Variants in OCLN observed in about 807,000 individuals in gnomAD.
The protein encoded by OCLN is occludin.
Under a neutral mutation model 47.9 loss-of-function variants are expected in OCLN, and 21 were observed. That is an observed-to-expected ratio of 0.44 (90% CI 0.31 to 0.63). The LOEUF is 0.63. Among genes scored for constraint, OCLN ranks in the 30% least tolerant of loss-of-function variants. OCLN has a pLI of 0.08. For missense variants in OCLN, 360 were observed against 571.0 expected (o/e 0.63, Z 3.77); for synonymous variants, 117 against 198.4 (o/e 0.59, Z 3.45).
chr5:69,537,273 C>T (rs866619241), intron 5 of OCLN, among the ~76,000 whole-genome samples: 2,190 of 56,052 alleles, frequency 0.039, 29 homozygotes, highest in Non-Finnish European at 0.064. Flanking sequence ...TCACAGCTCA[C>T]TGTAGCCTTG....
intron 3 of OCLN, among the ~76,000 whole-genome samples, chr5:69,510,347 A>G (rs921789492): frequency 6.6e-6 from 1 of 152,038 alleles, no homozygotes; most frequent in Non-Finnish European, 1.5e-5. Flanking sequence ...ACCACATTTT[A>G]TTTATCAGTT....
In OCLN at chr5:69,509,420, C is replaced by G; in HGVS notation, c.330C>G (p.Gly110=). Residue 110 remains glycine (G), a synonymous_variant, in exon 3 of 9, where the codon GGC becomes GGG. Transcript: ENST00000396442. The part of the protein sequence containing the change: ...GSVGYPYGGS[G]FGSYGSGYGY... ...TAGGCTACCCTTATGGAGGAAGTGG[C>G]TTTGGTAGCTACGGAAGTGGCTATG... 1 of 1,614,140 alleles carries G rather than the reference C, an allele frequency of 6.2e-7. No homozygotes were observed. The highest frequency in any genetic ancestry group is 8.5e-7 in the Non-Finnish European group (1 of 1,180,022).
intron 2 of OCLN, among the ~76,000 whole-genome samples, chr5:69,505,034 G>A (rs181909025): frequency 3.9e-4 from 59 of 152,304 alleles, no homozygotes; most frequent in Admixed American, 3.1e-3. Context: ...TGGATCACCT[G>A]AGGTCGGGAG....
intron 4 of OCLN, among the ~76,000 whole-genome samples, chr5:69,533,709 A>G (rs1253450964): frequency 1.3e-5 from 2 of 152,182 alleles, no homozygotes; most frequent in Non-Finnish European, 2.9e-5. Context: ...CTAGAGTGCA[A>G]TGGCACTATC....
Position 69,493,202 on chromosome 5 carries a change from CT to C in OCLN, c.-69+306del, listed in dbSNP as rs1477712416. Among the ~76,000 whole-genome samples the C allele has an allele frequency of 2.0e-5, 3 of 152,176 alleles. No homozygotes were observed. Among genetic ancestry groups the C allele is most frequent in the African/African-American group, 7.2e-5 (3 of 41,448 alleles). ...CCTCAGCGGCGCGGGCAACTTTTCA[CT>C]TTTATGGGGCACGACATTCCTGAAC... is the stretch of plus-strand genomic sequence containing the variant. On this transcript the variant is annotated intron_variant, in intron 1 of 8. Coordinates refer to ENST00000396442, the MANE Select transcript of OCLN (RefSeq NM_001205254.2). The surrounding 1 kb of genome is among the most constrained non-coding windows in gnomAD (Gnocchi z 5.3).
At chr5:69,496,799 T>G (rs1422015219) in intron 1 of OCLN, among the ~76,000 whole-genome samples, 7 of 152,202 alleles carry the variant, frequency 4.6e-5, no homozygotes, top group Admixed American at 4.6e-4. Context: ...TATTTTATCA[T>G]TAGCCCAAGA....
rs990654446 is a variant in OCLN, at chr5:69,507,063, C to T, written c.51-2078C>T. 4.6e-5 allele frequency among the ~76,000 whole-genome samples: 7 copies of T among 152,196 alleles called. No homozygotes were observed. The East Asian group carries it at 5.8e-4, about 13-fold the overall frequency. ...TTTTCTCTGGAGACCACTGTCCTGA[C>T]GTATGATCATTACCTGCTTTTATCA... On this transcript the variant is annotated intron_variant, in intron 2 of 8. Transcript: ENST00000396442.
chr5:69,525,393 C>T (rs991041165), intron 4 of OCLN, among the ~76,000 whole-genome samples: 11 of 152,040 alleles, frequency 7.2e-5, no homozygotes, highest in African/African-American at 2.2e-4. Context: ...CGTGAGCCAC[C>T]GTGCCTGGCC....
intron 4 of OCLN, among the ~76,000 whole-genome samples, chr5:69,517,191 A>G (rs1580565560): frequency 6.6e-6 from 1 of 152,028 alleles, no homozygotes; most frequent in Non-Finnish European, 1.5e-5. Flanking sequence ...ATTGTCATGA[A>G]GGTATGGCCA....
chr5:69,498,926 G>A (rs752022042), intron 1 of OCLN, among the ~76,000 whole-genome samples: 14 of 152,176 alleles, frequency 9.2e-5, no homozygotes, highest in Non-Finnish European at 1.9e-4. Context: ...TGATCCGCCC[G>A]TCTTGGGCTC....
chr5:69,524,773 G>A (rs974337379), intron 4 of OCLN, among the ~76,000 whole-genome samples: 2 of 152,078 alleles, frequency 1.3e-5, no homozygotes, highest in Non-Finnish European at 2.9e-5. Flanking sequence ...TGTAACCTCC[G>A]CCTCCCGGGT....
At chr5:69,535,684 C>T (rs978433331) in intron 5 of OCLN, among the ~76,000 whole-genome samples, 4 of 131,826 alleles carry the variant, frequency 3.0e-5, no homozygotes, top group East Asian at 2.2e-4. Flanking sequence ...TAGCCTGCTA[C>T]GAGCCTAGGC....
intron 2 of OCLN, among the ~76,000 whole-genome samples, chr5:69,508,375 C>T (rs1268218781): frequency 6.6e-6 from 1 of 152,098 alleles, no homozygotes; most frequent in East Asian, 1.9e-4. Context: ...GAGTCTTGCT[C>T]TGTCACTCAG....
At chr5:69,497,769 C>T (rs998406076) in intron 1 of OCLN, among the ~76,000 whole-genome samples, 1 of 152,082 alleles carries the variant, frequency 6.6e-6, no homozygotes, top group African/African-American at 2.4e-5. Flanking sequence ...TTTGTTTGTT[C>T]TTTTTAATAG....
upstream of OCLN, chr5:69,492,660 G>C (rs977953482): frequency 6.6e-6 from 1 of 152,478 alleles, no homozygotes; most frequent in South Asian, 2.1e-4. Flanking sequence ...GACGCAGCAG[G>C]TGGGACTCGC....
At chr5:69,503,065 C>G (rs1311215180) in intron 1 of OCLN, among the ~76,000 whole-genome samples, 2 of 152,154 alleles carry the variant, frequency 1.3e-5, no homozygotes, top group Non-Finnish European at 1.5e-5. Context: ...GACTAATCAA[C>G]CATGGAGGGT....
At position 69,493,783 on chromosome 5, in the gene OCLN, C is replaced by A. The variant is rs1243090218; in HGVS notation, c.-69+883C>A. On this transcript the variant is annotated intron_variant, in intron 1 of 8. Coordinates refer to ENST00000396442, the MANE Select transcript of OCLN (RefSeq NM_001205254.2). This position sits in a 1 kb window ranked among gnomAD's most constrained non-coding sequence, Gnocchi z 5.3. ...GACTGGGCCGGCCCCGCGCGCCAGC[C>A]ATGTTGCCTGCGTCGGAGGAAGCGT... is the stretch of plus-strand genomic sequence containing the variant. 6.6e-6 allele frequency among the ~76,000 whole-genome samples: 1 copy of A among 152,196 alleles called. No individual in the cohort carries two copies. Among genetic ancestry groups the A allele is most frequent in the South Asian group, 2.1e-4 (1 of 4,828 alleles).
chr5:69,509,957 G>A (rs1401013146), intron 3 of OCLN, 138 bp downstream of exon 3: 2 of 739,066 alleles, frequency 2.7e-6, no homozygotes, highest in Non-Finnish European at 4.8e-6. Context: ...TGGGGGAGGG[G>A]CTGAGTCTCA....
chr5:69,512,131 C>T (rs779985154), intron 3 of OCLN, among the ~76,000 whole-genome samples: 1 of 151,574 alleles, frequency 6.6e-6, no homozygotes, highest in Non-Finnish European at 1.5e-5. Flanking sequence ...TTGCCTAATT[C>T]AGGGTCACAA....
Sources: gnomAD v4.1 joint callset for allele counts (sites outside exome capture counted in the v4.1 genomes callset) on GRCh38, gnomAD v4.1.1 for gene constraint, Gnocchi (gnomAD v3.1) non-coding constraint, MANE v1.5 for transcripts, NCBI Gene and HGNC (gene_info 2026-07-23, HGNC 2026-07-21) for gene names.